FAM135B: variants seen among roughly 807,000 people sequenced by gnomAD.
FAM135B encodes family with sequence similarity 135 member B, also known as protein FAM135B.
A neutral mutation model predicts 127.7 loss-of-function variants in FAM135B; 43 were observed. The observed-to-expected ratio is 0.34, with a 90% CI of 0.26 to 0.43. The LOEUF is 0.43. Ranked by LOEUF, FAM135B falls within the 20% of genes least tolerant of loss-of-function variation. FAM135B has a pLI of 1.00. For synonymous variants in FAM135B, 670 were observed against 665.1 expected, an observed-to-expected ratio of 1.01 and a Z score of -0.11; for missense variants, 1,558 against 1,725.6, an observed-to-expected ratio of 0.90 and a Z score of 1.72.
At chr8:138,158,218 A>G (rs998055545) in intron 12 of FAM135B, among the ~76,000 whole-genome samples, 1 of 152,240 alleles carries the variant, frequency 6.6e-6, no homozygotes, top group African/African-American at 2.4e-5. Flanking sequence ...CTTTTTAAAT[A>G]AATGGTGCTG....
At chr8:138,234,970 G>C (rs1820158861) in intron 7 of FAM135B, among the ~76,000 whole-genome samples, 1 of 152,176 alleles carries the variant, frequency 6.6e-6, no homozygotes, top group African/African-American at 2.4e-5. Context: ...CATAAAACAA[G>C]TATTTAAAAT....
At chr8:138,328,718 G>A (rs564189252) in intron 2 of FAM135B, among the ~76,000 whole-genome samples, 1 of 152,300 alleles carries the variant, frequency 6.6e-6, no homozygotes, top group South Asian at 2.1e-4. Context: ...ATCAAACAGA[G>A]CTAGGTTTGA....
At chr8:138,375,460 T>A (rs988243491) in intron 1 of FAM135B, among the ~76,000 whole-genome samples, 1 of 152,062 alleles carries the variant, frequency 6.6e-6, no homozygotes, top group Admixed American at 6.6e-5. Flanking sequence ...ATATCAATGT[T>A]ACAATCTACC....
At chr8:138,174,140 T>C (rs1161625048) in intron 11 of FAM135B, among the ~76,000 whole-genome samples, 1 of 152,160 alleles carries the variant, frequency 6.6e-6, no homozygotes, top group Non-Finnish European at 1.5e-5. Context: ...TATCCTATCC[T>C]ATTTCATTTA....
At position 138,265,753 on chromosome 8, in the gene FAM135B, TG is replaced by T. The variant is rs1563836249; in HGVS notation, c.246del (p.Ile83Ter). ...FQILYRNEEV[P>X]INDAVVFRVH... ...ACTCGGAAGACCACAGCATCATTTA[TG>T]GGTACCTCTTCATTCCGGTATAAGA... On this transcript the variant is annotated frameshift_variant, in exon 4 of 20. Coordinates refer to ENST00000395297, the MANE Select transcript of FAM135B (RefSeq NM_015912.4). LOFTEE classifies it high-confidence loss of function. The T allele has an allele frequency of 6.2e-7, 1 of 1,614,114 alleles. No homozygotes were observed. The highest frequency in any genetic ancestry group is 1.1e-5 in the South Asian group (1 of 91,070).
At chr8:138,134,544 T>C (rs1284385035) in intron 19 of FAM135B, among the ~76,000 whole-genome samples, 2 of 152,106 alleles carry the variant, frequency 1.3e-5, no homozygotes, top group African/African-American at 4.8e-5. Flanking sequence ...AGCACTGTTT[T>C]TAAATTGATG....
chr8:138,233,911 G>A (rs989405520), intron 7 of FAM135B, among the ~76,000 whole-genome samples: 2 of 152,006 alleles, frequency 1.3e-5, no homozygotes, highest in African/African-American at 4.8e-5. Context: ...CATACAAATG[G>A]CAAATGGGCA....
intron 2 of FAM135B, among the ~76,000 whole-genome samples, chr8:138,327,057 C>T (rs1827836986): frequency 6.6e-6 from 1 of 152,120 alleles, no homozygotes; most frequent in Non-Finnish European, 1.5e-5. Context: ...TAATTGAACA[C>T]AATTTAATTC....
chr8:138,208,878 A>T (rs181969981), intron 7 of FAM135B, among the ~76,000 whole-genome samples: 92 of 151,832 alleles, frequency 6.1e-4, no homozygotes, highest in African/African-American at 1.4e-3. Flanking sequence ...CAGAACTTTT[A>T]AAAAAAAATC....
intron 4 of FAM135B, among the ~76,000 whole-genome samples, chr8:138,258,962 A>G (rs918749177): frequency 2.0e-5 from 3 of 152,208 alleles, no homozygotes; most frequent in African/African-American, 7.2e-5. Flanking sequence ...ATAAGAAGCT[A>G]GCATTTACAG....
At chr8:138,442,631 A>G (rs554070976) in intron 1 of FAM135B, among the ~76,000 whole-genome samples, 11 of 152,218 alleles carry the variant, frequency 7.2e-5, no homozygotes, top group Non-Finnish European at 1.5e-4. Context: ...GCACAAAAAC[A>G]ATCAAAAACA....
intron 12 of FAM135B, among the ~76,000 whole-genome samples, chr8:138,153,555 G>T (rs986939853): frequency 7.9e-5 from 12 of 152,190 alleles, no homozygotes; most frequent in African/African-American, 2.9e-4. Context: ...AGCCATGATA[G>T]ATGGTACCTG....
At chr8:138,299,965 T>C (rs950961023) in intron 3 of FAM135B, among the ~76,000 whole-genome samples, 2 of 151,996 alleles carry the variant, frequency 1.3e-5, no homozygotes, top group African/African-American at 4.8e-5. Flanking sequence ...GAGTGGTATT[T>C]ATTTATTTAT....
chr8:138,370,224 C>T (rs969751298), intron 1 of FAM135B, among the ~76,000 whole-genome samples: 3 of 152,154 alleles, frequency 2.0e-5, no homozygotes, highest in East Asian at 1.9e-4. Context: ...CAATATTTAA[C>T]GCATGGAGAA....
chr8:138,181,552 C>T (rs1468032987), intron 9 of FAM135B, among the ~76,000 whole-genome samples: 1 of 152,136 alleles, frequency 6.6e-6, no homozygotes, highest in Non-Finnish European at 1.5e-5. Flanking sequence ...TCTCCAATCC[C>T]AGGCCCTTGT....
chr8:138,351,620 T>A (rs1829786195), intron 2 of FAM135B, among the ~76,000 whole-genome samples: 1 of 151,726 alleles, frequency 6.6e-6, no homozygotes, highest in East Asian at 1.9e-4. Flanking sequence ...CAGTTTTGGA[T>A]ACTTTGTAAC....
intron 1 of FAM135B, among the ~76,000 whole-genome samples, chr8:138,458,349 A>G (rs1328660176): frequency 6.6e-6 from 1 of 152,202 alleles, no homozygotes; most frequent in African/African-American, 2.4e-5. Context: ...ATTCACAAAT[A>G]AATGTAGTCT....
At chr8:138,422,825 C>A (rs889854018) in intron 1 of FAM135B, among the ~76,000 whole-genome samples, 3 of 152,142 alleles carry the variant, frequency 2.0e-5, no homozygotes, top group African/African-American at 7.2e-5. Context: ...ATGTTCACTG[C>A]AGCACTTTTC....
At chr8:138,189,450 C>T (rs948847287) in intron 9 of FAM135B, among the ~76,000 whole-genome samples, 2 of 152,216 alleles carry the variant, frequency 1.3e-5, no homozygotes, top group East Asian at 1.9e-4. Flanking sequence ...TACCGTCTGC[C>T]CTCATTGGCG....
Sources: allele counts gnomAD v4.1 joint callset (sites outside exome capture counted in the v4.1 genomes callset), GRCh38; gene constraint gnomAD v4.1.1; transcripts MANE v1.5; gene names NCBI Gene and HGNC (gene_info 2026-07-23, HGNC 2026-07-21).